Variants in PRMT6 observed in about 807,000 individuals in gnomAD.
The protein encoded by PRMT6 is protein arginine N-methyltransferase 6.
In PRMT6, 23 loss-of-function variants were observed where a neutral mutation model predicts 30.5. That is an observed-to-expected ratio of 0.75 (90% CI 0.54 to 1.07). The LOEUF is 1.07. Among genes scored for constraint, PRMT6 ranks in the 50% least tolerant of loss-of-function variants. PRMT6 has a pLI of 0.00. For synonymous variants in PRMT6, 265 were observed against 228.0 expected, an observed-to-expected ratio of 1.16 and a Z score of -1.46; for missense variants, 528 against 514.3, an observed-to-expected ratio of 1.03 and a Z score of -0.26.
Position 107,057,417 on chromosome 1 carries a change from G to A in PRMT6, c.702G>A (p.Ser234=), listed in dbSNP as rs1282216666. The change falls in exon 1 of 1, where the codon TCG becomes TCA. Residue 234 remains serine (S), a synonymous_variant. Transcript: ENST00000370078. Reference sequence around the variant, plus strand: ...CCACGCGCTGTCTCATGGGCCACTCGGAGATCGTTGTGCAGGGATTGTCCG... The same window carrying A: ...CCACGCGCTGTCTCATGGGCCACTCAGAGATCGTTGTGCAGGGATTGTCCG... The part of the protein sequence containing the change: ...GFATRCLMGH[S]EIVVQGLSGE... 9 of 1,613,696 alleles carry A rather than the reference G, an allele frequency of 5.6e-6. No homozygotes were observed. Among genetic ancestry groups the A allele is most frequent in the Non-Finnish European group, 6.8e-6 (8 of 1,180,020 alleles).
chr1:107,058,969 A>G lies in PRMT6; in HGVS notation c.*1126A>G, dbSNP rs1282891448. On this transcript the variant is annotated 3_prime_UTR_variant, in exon 1 of 1. Transcript: ENST00000370078. ...AAGTGTGAATCTTGTTATCAAATTT[A>G]TTTCTCTGATGTTTCCTTCCTTATC... 6.0e-6 allele frequency: 1 copy of G among 166,974 alleles called. No homozygotes were observed. Among genetic ancestry groups the G allele is most frequent in the African/African-American group, 2.4e-5 (1 of 41,418 alleles). 10.3% of individuals were successfully genotyped at this position (166,974 alleles called of 1,614,324 possible). A position where few individuals can be genotyped will look rare whatever the true frequency, so the allele number is the denominator to read the frequency against.
chr1:107,057,645 G>C lies in PRMT6; in HGVS notation c.930G>C (p.Ser310=), dbSNP rs1359058231. 1 of 1,614,076 alleles carries C rather than the reference G, an allele frequency of 6.2e-7. No homozygotes were observed. Among genetic ancestry groups the C allele is most frequent in the African/African-American group, 1.3e-5 (1 of 74,926 alleles). The change falls in exon 1 of 1, where the codon TCG becomes TCC. Residue 310 remains serine (S), a synonymous_variant. Coordinates refer to ENST00000370078, the MANE Select transcript of PRMT6 (RefSeq NM_018137.3). ...ESEKPLVLST[S]PFHPATHWKQ... is the part of the protein sequence containing the mutation. ...AGAAACCCCTGGTGCTGTCCACCTC[G>C]CCTTTTCACCCGGCCACTCACTGGA...
rs373606762 is a variant in PRMT6 at position 107,057,829 on chromosome 1, G to C, written c.1114G>C (p.Ala372Pro). 24 of 1,580,620 alleles carry C rather than the reference G, an allele frequency of 1.5e-5. No homozygotes were observed. The highest frequency in any genetic ancestry group is 2.7e-5 in the African/African-American group (2 of 74,078). The part of the protein sequence containing the change: ...GDQEEKTKDF[A>P]MED The stretch of plus-strand genomic sequence containing the variant: ...CCAGGAGGAGAAGACCAAAGACTTT[G>C]CCATGGAGGACTGAGCGTTGCCTTT... Residue 372 changes from alanine (A) to proline (P), a missense_variant, in exon 1 of 1, where the codon GCC becomes CCC. Ala to Pro is a conservative substitution (Grantham distance 27). Transcript: ENST00000370078.
Position 107,057,744 on chromosome 1 carries a change from G to A in PRMT6, c.1029G>A (p.Leu343=), listed in dbSNP as rs1015033473. Residue 343 remains leucine, a synonymous_variant, in exon 1 of 1, where the codon CTG becomes CTA. Transcript: ENST00000370078. ...QDTDVSGEIT[L]LPSRDNPRRL... ...CGGACGTTTCAGGAGAGATCACGCT[G>A]CTGCCCTCCCGGGACAACCCCCGTC... 1.2e-6 allele frequency: 2 copies of A among 1,614,108 alleles called. No homozygotes were observed. The highest frequency in any genetic ancestry group is 2.7e-5 in the African/African-American group (2 of 75,076).
Position 107,058,228 on chromosome 1 carries a change from C to G in PRMT6, c.*385C>G. 1 of 306,892 alleles carries G rather than the reference C, an allele frequency of 3.3e-6. No individual in the cohort carries two copies. Among genetic ancestry groups the G allele is most frequent in the Non-Finnish European group, 6.6e-6 (1 of 152,062 alleles). The allele number at this position is 306,892 out of a possible 1,614,324, so 19.0% of individuals were successfully genotyped here. A position where few individuals can be genotyped will look rare whatever the true frequency, so the allele number is the denominator to read the frequency against. On this transcript the variant is annotated 3_prime_UTR_variant, in exon 1 of 1. Coordinates refer to ENST00000370078, the MANE Select transcript of PRMT6 (RefSeq NM_018137.3). Reference sequence around the variant, plus strand: ...CTGACACCTCACACCTTATCTAAGTCTGAAGCTGGGGAGAAAGGGGTTCAT... The same window carrying G: ...CTGACACCTCACACCTTATCTAAGTGTGAAGCTGGGGAGAAAGGGGTTCAT...
In PRMT6 at chr1:107,057,356, A is replaced by C; in HGVS notation, c.641A>C (p.His214Pro). The C allele has an allele frequency of 6.2e-7, 1 of 1,613,802 alleles. No homozygotes were observed. Among genetic ancestry groups the C allele is most frequent in the African/African-American group, 1.3e-5 (1 of 75,074 alleles). ...GGCTTCTGGAGCCAGGTGAAGCAGC[A>C]CTATGGTGTGGACATGAGCTGCCTG... ...RLGFWSQVKQ[H>P]YGVDMSCLEG... Residue 214 changes from histidine (H) to proline (P), a missense_variant, in exon 1 of 1, where the codon CAC (histidine) becomes CCC (proline). By Grantham distance (77) the His-to-Pro change is moderately conservative. Coordinates refer to ENST00000370078, the MANE Select transcript of PRMT6 (RefSeq NM_018137.3).
rs1651769528 is a variant in PRMT6, at chr1:107,057,919, A to G, written c.*76A>G. The G allele has an allele frequency of 6.5e-7, 1 of 1,544,372 alleles. No homozygotes were observed. The highest frequency in any genetic ancestry group is 1.4e-5 in the African/African-American group (1 of 72,998). ...AGAGGCGTAGCGAGGTCGGAGGGGAAAGGGAGATCCCACGTGCAAGTAGGG... is the reference window on the plus strand; with the variant it reads ...AGAGGCGTAGCGAGGTCGGAGGGGAGAGGGAGATCCCACGTGCAAGTAGGG... On this transcript the variant is annotated 3_prime_UTR_variant, in exon 1 of 1. Transcript: ENST00000370078.
chr1:107,057,047 T>C lies in PRMT6; in HGVS notation c.332T>C (p.Val111Ala). ...GCCGGGGCCCGGCGCGTGTACGCGG[T>C]AGAGGCCAGCGCCATCTGGCAACAG... is the stretch of plus-strand genomic sequence containing the variant. ...AQAGARRVYAVEASAIWQQAR... is the reference protein window; with the variant it reads ...AQAGARRVYAAEASAIWQQAR... The change falls in exon 1 of 1, where the codon GTA becomes GCA. Residue 111 changes from valine (V) to alanine (A), a missense_variant. Physicochemically the swap from Val to Ala is moderately conservative, Grantham distance 64. Coordinates refer to ENST00000370078, the MANE Select transcript of PRMT6 (RefSeq NM_018137.3). 6.2e-7 allele frequency: 1 copy of C among 1,612,562 alleles called. No individual in the cohort carries two copies. Among genetic ancestry groups the C allele is most frequent in the Non-Finnish European group, 8.5e-7 (1 of 1,179,740 alleles).
rs993718338 is a variant in PRMT6, at chr1:107,059,058, T to G, written c.*1215T>G. The G allele has an allele frequency of 6.0e-6, 1 of 167,080 alleles. No homozygotes were observed. Among genetic ancestry groups the G allele is most frequent in the Admixed American group, 6.5e-5 (1 of 15,286 alleles). 10.3% of individuals were successfully genotyped at this position (167,080 alleles called of 1,614,324 possible). A position where few individuals can be genotyped will look rare whatever the true frequency, so the allele number is the denominator to read the frequency against. On this transcript the variant is annotated 3_prime_UTR_variant, in exon 1 of 1. Transcript: ENST00000370078. ...AGATGAGGTAAAAAGTCTTGTGTGC[T>G]GTGAGTTATAATGCTTTTGCCTTTT...
In PRMT6 at chr1:107,057,174, G is replaced by A; in HGVS notation, c.459G>A (p.Val153=). 6.2e-7 allele frequency: 1 copy of A among 1,610,526 alleles called. No homozygotes were observed. Among genetic ancestry groups the A allele is most frequent in the Non-Finnish European group, 8.5e-7 (1 of 1,180,012 alleles). Residue 153 remains valine, a synonymous_variant, in exon 1 of 1, where the codon GTG becomes GTA. Transcript: ENST00000370078. ...TGCCGGAACAGGTGGATGCCATCGT[G>A]AGCGAGTGGATGGGCTACGGACTCC... ...VELPEQVDAI[V]SEWMGYGLLH... is the part of the protein sequence containing the mutation.
chr1:107,057,618 G>T lies in PRMT6; in HGVS notation c.903G>T (p.Ser301=), dbSNP rs1651760409. The T allele has an allele frequency of 6.2e-7, 1 of 1,614,066 alleles. No homozygotes were observed. The highest frequency in any genetic ancestry group is 1.3e-5 in the African/African-American group (1 of 74,944). Residue 301 remains serine (S), a synonymous_variant, in exon 1 of 1, where the codon TCG becomes TCT. Transcript: ENST00000370078. ...WFQVTFPGGE[S]EKPLVLSTSP... is the part of the protein sequence containing the mutation. ...AGGTGACCTTCCCTGGAGGGGAGTC[G>T]GAGAAACCCCTGGTGCTGTCCACCT...
At position 107,057,764 on chromosome 1, in the gene PRMT6, C is replaced by G. The variant is rs1557731728; in HGVS notation, c.1049C>G (p.Pro350Arg). 7 of 1,613,548 alleles carry G rather than the reference C, an allele frequency of 4.3e-6. No individual in the cohort carries two copies. The highest frequency in any genetic ancestry group is 5.1e-6 in the Non-Finnish European group (6 of 1,179,716). Reference sequence around the variant, plus strand: ...ACGCTGCTGCCCTCCCGGGACAACCCCCGTCGCCTGCGCGTGCTGCTGCGC... The same window carrying G: ...ACGCTGCTGCCCTCCCGGGACAACCGCCGTCGCCTGCGCGTGCTGCTGCGC... ...EITLLPSRDN[P>R]RRLRVLLRYK... Residue 350 changes from proline to arginine, a missense_variant, in exon 1 of 1, where the codon CCC becomes CGC. Physicochemically the swap from Pro to Arg is moderately radical, Grantham distance 103. Transcript: ENST00000370078.
Position 107,057,882 on chromosome 1 carries a change from G to A in PRMT6, c.*39G>A. ...TCCCAGCTACCTCCCAAAGCAGCCT[G>A]ACCTGCGTGGGAGAGGCGTAGCGAG... On this transcript the variant is annotated 3_prime_UTR_variant, in exon 1 of 1. Coordinates refer to ENST00000370078, the MANE Select transcript of PRMT6 (RefSeq NM_018137.3). 1.3e-6 allele frequency: 2 copies of A among 1,552,836 alleles called. No homozygotes were observed. The highest frequency in any genetic ancestry group is 1.7e-6 in the Non-Finnish European group (2 of 1,147,496).
In PRMT6 at chr1:107,058,262, C is replaced by CTGGAATGTATGAAG; in HGVS notation, c.*419_*420insTGGAATGTATGAAG. 1 of 267,920 alleles carries CTGGAATGTATGAAG rather than the reference C, an allele frequency of 3.7e-6. No homozygotes were observed. Among genetic ancestry groups the CTGGAATGTATGAAG allele is most frequent in the Non-Finnish European group, 7.7e-6 (1 of 129,108 alleles). 16.6% of individuals were successfully genotyped at this position (267,920 alleles called of 1,614,324 possible). A position where few individuals can be genotyped will look rare whatever the true frequency, so the allele number is the denominator to read the frequency against. On this transcript the variant is annotated 3_prime_UTR_variant, in exon 1 of 1. Coordinates refer to ENST00000370078, the MANE Select transcript of PRMT6 (RefSeq NM_018137.3). ...GGGAGAAAGGGGTTCATTTAGACTT[C>CTGGAATGTATGAAG]ATACATTTCCAGTACGACTTTAGTA...
chr1:107,059,280 GA>G lies in PRMT6; in HGVS notation c.*1438del, dbSNP rs1462579514. The G allele has an allele frequency of 1.2e-5, 2 of 165,472 alleles. No homozygotes were observed. Among genetic ancestry groups the G allele is most frequent in the African/African-American group, 2.4e-5 (1 of 41,400 alleles). 10.3% of individuals were successfully genotyped at this position (165,472 alleles called of 1,614,324 possible). A position where few individuals can be genotyped will look rare whatever the true frequency, so the allele number is the denominator to read the frequency against. On this transcript the variant is annotated 3_prime_UTR_variant, in exon 1 of 1. Coordinates refer to ENST00000370078, the MANE Select transcript of PRMT6 (RefSeq NM_018137.3). Reference sequence around the variant, plus strand: ...TTATTCATTGCATATTAAAGTATTAGAGTATAAAAACTAATTTGCTAAACTT... The same window carrying G: ...TTATTCATTGCATATTAAAGTATTAGGTATAAAAACTAATTTGCTAAACTT...
In PRMT6 at chr1:107,057,045, G is replaced by T. The variant is rs766262942; in HGVS notation, c.330G>T (p.Ala110=). The T allele has an allele frequency of 9.3e-6, 15 of 1,612,534 alleles. No individual in the cohort carries two copies. The highest frequency in any genetic ancestry group is 1.2e-5 in the Non-Finnish European group (14 of 1,179,758). ...AGGCCGGGGCCCGGCGCGTGTACGCGGTAGAGGCCAGCGCCATCTGGCAAC... is the reference window on the plus strand; with the variant it reads ...AGGCCGGGGCCCGGCGCGTGTACGCTGTAGAGGCCAGCGCCATCTGGCAAC... ...CAQAGARRVY[A]VEASAIWQQA... Residue 110 remains alanine, a synonymous_variant, in exon 1 of 1, where the codon GCG becomes GCT. Transcript: ENST00000370078.
Position 107,057,353 on chromosome 1 carries a change from A to C in PRMT6, c.638A>C (p.Gln213Pro). The change falls in exon 1 of 1, where the codon CAG becomes CCG. Residue 213 changes from glutamine (Q) to proline (P), a missense_variant. By Grantham distance (76) the Gln-to-Pro change is moderately conservative (BLOSUM62 -1). Transcript: ENST00000370078. ...WRLGFWSQVK[Q>P]HYGVDMSCLE... ...CTGGGCTTCTGGAGCCAGGTGAAGC[A>C]GCACTATGGTGTGGACATGAGCTGC... 2 of 1,613,836 alleles carry C rather than the reference A, an allele frequency of 1.2e-6. No individual in the cohort carries two copies. The highest frequency in any genetic ancestry group is 1.7e-6 in the Non-Finnish European group (2 of 1,180,032).
Position 107,056,692 on chromosome 1 carries a change from C to T in PRMT6, c.-24C>T, listed in dbSNP as rs1266514201. On this transcript the variant is annotated 5_prime_UTR_variant, in exon 1 of 1. Transcript: ENST00000370078. ...CCGCGCCGTGCCGCGCTACGCCCGC[C>T]GGGAGCCGGGCAGAGCGGCCAAGAT... The T allele has an allele frequency of 7.1e-5, 104 of 1,471,076 alleles. No individual in the cohort carries two copies. The highest frequency in any genetic ancestry group is 9.2e-5 in the Non-Finnish European group (102 of 1,109,612). The allele number at this position is 1,471,076 out of a possible 1,614,324, so 91.1% of individuals were successfully genotyped here. A position where few individuals can be genotyped will look rare whatever the true frequency, so the allele number is the denominator to read the frequency against.
rs908255081 is a variant in PRMT6, at chr1:107,059,100, T to G, written c.*1257T>G. 2 of 167,044 alleles carry G rather than the reference T, an allele frequency of 1.2e-5. No individual in the cohort carries two copies. The highest frequency in any genetic ancestry group is 1.3e-4 in the Admixed American group (2 of 15,290). 10.3% of individuals were successfully genotyped at this position (167,044 alleles called of 1,614,324 possible). A position where few individuals can be genotyped will look rare whatever the true frequency, so the allele number is the denominator to read the frequency against. On this transcript the variant is annotated 3_prime_UTR_variant, in exon 1 of 1. Coordinates refer to ENST00000370078, the MANE Select transcript of PRMT6 (RefSeq NM_018137.3). ...TTGCCTTTTTAATATTATTAGTTCT[T>G]AAGTGTTACAGCCCCTTCAGAATAT... is the stretch of plus-strand genomic sequence containing the variant.
Sources: allele counts gnomAD v4.1 joint callset, GRCh38; gene constraint gnomAD v4.1.1; transcripts MANE v1.5; gene names NCBI Gene and HGNC (gene_info 2026-07-23, HGNC 2026-07-21).